The following CD244 variants were observed in gnomAD, a reference collection of about 807,000 sequenced individuals.
The protein encoded by CD244 is CD244 molecule, also known as natural killer cell receptor 2B4.
A neutral mutation model predicts 45.5 loss-of-function variants in CD244; 20 were observed. The ratio of observed to expected loss-of-function variants is 0.44; its 90% CI spans 0.31 to 0.64. The LOEUF is 0.64. Among genes scored for constraint, CD244 ranks in the 30% least tolerant of loss-of-function variants. The pLI is 0.08. For missense variants in CD244, 407 were observed against 426.9 expected, an observed-to-expected ratio of 0.95 and a Z score of 0.41; for synonymous variants, 185 against 160.5, an observed-to-expected ratio of 1.15 and a Z score of -1.15.
chr1:160,833,999 A>C, intron 7 of CD244, 52 bp downstream of exon 7: 1 of 1,331,496 alleles, frequency 7.5e-7, no homozygotes, highest in African/African-American at 1.4e-5. Context: ...ACACATGCAA[A>C]ATACACATCT....
At position 160,836,235 on chromosome 1, in the gene CD244, G is replaced by A. The variant is rs191721381; in HGVS notation, c.854C>T (p.Pro285Leu). 6.2e-6 allele frequency: 10 copies of A among 1,613,802 alleles called. No homozygotes were observed. In the Admixed American group the frequency reaches 1.5e-4, roughly 24 times the overall value. The change falls in exon 6 of 9, where the codon CCT becomes CTT. Residue 285 changes from proline to leucine, a missense_variant. Pro to Leu is a moderately conservative substitution (Grantham distance 98). Transcript: ENST00000368034. ...RRNHEQEQTF[P>L]GGGSTIYSMI... ...AGAGTAGATGGTGCTCCCCCCTCCAGGAAAAGTCTGCTCCTGCTCCTGCAC... is the reference window on the plus strand; with the variant it reads ...AGAGTAGATGGTGCTCCCCCCTCCAAGAAAAGTCTGCTCCTGCTCCTGCAC...
Position 160,834,130 on chromosome 1 carries a change from A to G in CD244, c.895-14T>C, listed in dbSNP as rs1669238573. ...GGGAGCAGAAGACTAATGAGAAGAGAAATAAAATCATTTCAGAAGCACAGA... is the reference window on the plus strand; with the variant it reads ...GGGAGCAGAAGACTAATGAGAAGAGGAATAAAATCATTTCAGAAGCACAGA... On this transcript the variant is annotated splice_polypyrimidine_tract_variant and intron_variant, in intron 6 of 8. Coordinates refer to ENST00000368034, the MANE Select transcript of CD244 (RefSeq NM_016382.4). 6.4e-7 allele frequency: 1 copy of G among 1,557,980 alleles called. No individual in the cohort carries two copies. Among genetic ancestry groups the G allele is most frequent in the African/African-American group, 1.4e-5 (1 of 73,854 alleles).
intron 5 of CD244, among the ~76,000 whole-genome samples, chr1:160,837,187 G>A (rs549435523): frequency 1.4e-5 from 2 of 146,530 alleles, no homozygotes; most frequent in Non-Finnish European, 2.9e-5. Flanking sequence ...CAGGCAGGGA[G>A]GAGCTCTTGA....
chr1:160,844,016 G>A (rs570225995), intron 1 of CD244, among the ~76,000 whole-genome samples: 3 of 152,294 alleles, frequency 2.0e-5, no homozygotes, highest in African/African-American at 7.2e-5. Context: ...AAGAGTGAAC[G>A]AGAAATGAAC....
chr1:160,859,743 C>CAA (rs541327271), intron 1 of CD244, among the ~76,000 whole-genome samples: 1,975 of 108,608 alleles, frequency 0.018, 34 homozygotes, highest in African/African-American at 0.039. Context: ...CCTGTATCTA[C>CAA]AAAAAAAAAA....
intron 6 of CD244, among the ~76,000 whole-genome samples, chr1:160,835,214 G>C (rs182521285): frequency 6.6e-6 from 1 of 152,264 alleles, no homozygotes; most frequent in East Asian, 1.9e-4. Context: ...TTAGCCATCA[G>C]TATTAAAGGA....
At chr1:160,853,822 A>T (rs1670006426) in intron 1 of CD244, among the ~76,000 whole-genome samples, 1 of 150,586 alleles carries the variant, frequency 6.6e-6, no homozygotes. Context: ...AAAAAGGAAG[A>T]TAGACCTAAA....
chr1:160,860,624 C>T (rs1670264453), intron 1 of CD244, among the ~76,000 whole-genome samples: 1 of 152,126 alleles, frequency 6.6e-6, no homozygotes, highest in South Asian at 2.1e-4. Flanking sequence ...GACATAATGT[C>T]ACAACTTGTT....
At position 160,832,574 on chromosome 1, in the gene CD244, G is replaced by C; in HGVS notation, c.962C>G (p.Ser321Cys). ...GCTGTGGTTCCTCTTCCTGGATCCA[G>C]ACTAGAAATTCAGAAGGTAAAGAAT... ...LYSLIQPSRKSGSRKRNHSPS... is the reference protein window; with the variant it reads ...LYSLIQPSRKCGSRKRNHSPS... Residue 321 changes from serine (S) to cysteine (C), a missense_variant and splice_region_variant, in exon 8 of 9, where the codon TCT becomes TGT. By Grantham distance (112) the Ser-to-Cys change is moderately radical. Coordinates refer to ENST00000368034, the MANE Select transcript of CD244 (RefSeq NM_016382.4). 1 of 1,612,658 alleles carries C rather than the reference G, an allele frequency of 6.2e-7. No individual in the cohort carries two copies. Among genetic ancestry groups the C allele is most frequent in the Non-Finnish European group, 8.5e-7 (1 of 1,179,124 alleles).
intron 1 of CD244, among the ~76,000 whole-genome samples, chr1:160,862,395 C>T (rs113896482): frequency 0.019 from 2,828 of 152,342 alleles, 29 homozygotes; most frequent in Middle Eastern, 0.041. Context: ...CCCAAGACTT[C>T]CTGGATTGCT....
In CD244 at chr1:160,860,097, C is replaced by T. The variant is rs1291893664; in HGVS notation, c.61+2520G>A. On this transcript the variant is annotated intron_variant, in intron 1 of 8. Transcript: ENST00000368034. ...TGGCATGCATCTGTAGTCCCAGCTA[C>T]TCGGGAGGCTGAGGCAGGACAATCA... Among the ~76,000 whole-genome samples the T allele has an allele frequency of 2.6e-5, 4 of 152,064 alleles. No individual in the cohort carries two copies. In the South Asian group the frequency reaches 8.3e-4, roughly 32 times the overall value.
intron 3 of CD244, among the ~76,000 whole-genome samples, chr1:160,840,420 C>A (rs1485788058): frequency 1.3e-5 from 2 of 151,962 alleles, no homozygotes; most frequent in African/African-American, 2.4e-5. Context: ...CGCCAACACG[C>A]CCAGCTAATT....
chr1:160,855,545 G>T lies in CD244; in HGVS notation c.61+7072C>A, dbSNP rs1160181546. 2.6e-5 allele frequency among the ~76,000 whole-genome samples: 4 copies of T among 152,294 alleles called. No homozygotes were observed. In the East Asian group the frequency reaches 5.8e-4, roughly 22 times the overall value. ...AGACCTCAGTTTCTGTCCCAGAGGG[G>T]TACACACACCAGATAGGGGAGATGA... On this transcript the variant is annotated intron_variant, in intron 1 of 8. Coordinates refer to ENST00000368034, the MANE Select transcript of CD244 (RefSeq NM_016382.4).
At chr1:160,835,763 T>C (rs1669310996) in intron 6 of CD244, among the ~76,000 whole-genome samples, 1 of 152,110 alleles carries the variant, frequency 6.6e-6, no homozygotes, top group Non-Finnish European at 1.5e-5. Flanking sequence ...GAAAAGAAAA[T>C]GGACATTATT....
intron 5 of CD244, among the ~76,000 whole-genome samples, chr1:160,837,015 A>G (rs1669357530): frequency 6.6e-6 from 1 of 152,210 alleles, no homozygotes; most frequent in Non-Finnish European, 1.5e-5. Flanking sequence ...GTGTTTTAAA[A>G]TACTGCAGGA....
rs189672603 is a variant in CD244 at position 160,857,308 on chromosome 1, A to T, written c.61+5309T>A. 4.6e-5 allele frequency among the ~76,000 whole-genome samples: 7 copies of T among 152,342 alleles called. No individual in the cohort carries two copies. In the East Asian group the frequency reaches 1.3e-3, roughly 29 times the overall value. Reference sequence around the variant, plus strand: ...ATACTCCATGGTTCTGCCCCTAGAGATATACCCAACAGACATGCATGCACA... The same window carrying T: ...ATACTCCATGGTTCTGCCCCTAGAGTTATACCCAACAGACATGCATGCACA... On this transcript the variant is annotated intron_variant, in intron 1 of 8. Transcript: ENST00000368034.
rs189395221 is a variant in CD244, at chr1:160,862,694, G to A, written c.-17C>T. 74 of 1,612,370 alleles carry A rather than the reference G, an allele frequency of 4.6e-5. No individual in the cohort carries two copies. In the Middle Eastern group the frequency reaches 1.8e-3, roughly 40 times the overall value. On this transcript the variant is annotated 5_prime_UTR_variant, in exon 1 of 9. Coordinates refer to ENST00000368034, the MANE Select transcript of CD244 (RefSeq NM_016382.4). ...CCCCAGCATTTCCACAGGACAGAGG[G>A]GCCAGGCCAGCCCCTCCACCCCACC...
At chr1:160,857,908 G>A (rs1365590447) in intron 1 of CD244, among the ~76,000 whole-genome samples, 3 of 151,722 alleles carry the variant, frequency 2.0e-5, no homozygotes, top group African/African-American at 7.3e-5. Context: ...TAAGCCAAGT[G>A]TGGTGATACA....
chr1:160,841,103 A>AGAG, intron 3 of CD244, 107 bp downstream of exon 3: 1 of 1,092,226 alleles, frequency 9.2e-7, no homozygotes, highest in Non-Finnish European at 1.3e-6. Flanking sequence ...AGGCACTGGG[A>AGAG]GAGGAGGCCA....
Sources: gnomAD v4.1 joint callset for allele counts (sites outside exome capture counted in the v4.1 genomes callset) on GRCh38, gnomAD v4.1.1 for gene constraint, MANE v1.5 for transcripts, NCBI Gene and HGNC (gene_info 2026-07-23, HGNC 2026-07-21) for gene names.